The following P2RY2 variants were observed in gnomAD, a reference collection of about 807,000 sequenced individuals.
The protein encoded by P2RY2 is purinergic receptor P2Y2.
For missense variants in P2RY2, 567 were observed against 515.7 expected, an observed-to-expected ratio of 1.10 and a Z score of -0.96; for synonymous variants, 241 against 231.9, an observed-to-expected ratio of 1.04 and a Z score of -0.35.
At chr11:73,231,392 C>CAAAAAAAAA (rs201697252) in intron 2 of P2RY2, among the ~76,000 whole-genome samples, 1 of 110,536 alleles carries the variant, frequency 9.0e-6, no homozygotes, top group Non-Finnish European at 1.7e-5. Flanking sequence ...CTAAAAAATA[C>CAAAAAAAAA]AAAAAAAAAA....
At position 73,237,445 on chromosome 11, in the gene P2RY2, G is replaced by A. The variant is rs376597347; in HGVS notation, c.*2152G>A. Among the ~76,000 whole-genome samples, 4 of 151,958 alleles carry A rather than the reference G, an allele frequency of 2.6e-5. No homozygotes were observed. Among genetic ancestry groups the A allele is most frequent in the Admixed American group, 1.3e-4 (2 of 15,236 alleles). On this transcript the variant is annotated 3_prime_UTR_variant, in exon 3 of 3. Coordinates refer to ENST00000393597, the MANE Select transcript of P2RY2 (RefSeq NM_002564.4). The stretch of plus-strand genomic sequence containing the variant: ...GTATTTTTAATAGAGACAGGGTTTC[G>A]CCATGTTGGCCAGGCTGGTCTCAAA...
Position 73,236,796 on chromosome 11 carries a change from A to C in P2RY2, c.*1503A>C. On this transcript the variant is annotated 3_prime_UTR_variant, in exon 3 of 3. Coordinates refer to ENST00000393597, the MANE Select transcript of P2RY2 (RefSeq NM_002564.4). The stretch of plus-strand genomic sequence containing the variant: ...TGGTGCTCAGGCTGGGTCAGGACTT[A>C]GTATGGGGGAGATGGGTCTCACCTA... 3 of 985,388 alleles carry C rather than the reference A, an allele frequency of 3.0e-6. No individual in the cohort carries two copies. Among genetic ancestry groups the C allele is most frequent in the Non-Finnish European group, 3.6e-6 (3 of 829,906 alleles). 61.0% of individuals were successfully genotyped at this position (985,388 alleles called of 1,614,324 possible).
At position 73,234,499 on chromosome 11, in the gene P2RY2, TA is replaced by T; in HGVS notation, c.341del (p.Tyr114SerfsTer68). On this transcript the variant is annotated frameshift_variant, in exon 3 of 3. Transcript: ENST00000393597. LOFTEE classifies it low-confidence loss of function (END_TRUNC). ...VLCKLVRFLF[Y>X]TNLYCSILFL... ...CTGCAAGCTGGTGCGCTTCCTCTTC[TA>T]CACCAACCTTTACTGCAGCATCCTC... 1 of 1,613,780 alleles carries T rather than the reference TA, an allele frequency of 6.2e-7. No homozygotes were observed. The highest frequency in any genetic ancestry group is 2.2e-5 in the East Asian group (1 of 44,870).
intron 1 of P2RY2, among the ~76,000 whole-genome samples, chr11:73,220,495 C>A (rs1167351113): frequency 6.6e-6 from 1 of 152,212 alleles, no homozygotes; most frequent in Non-Finnish European, 1.5e-5. Context: ...ACACTTTTCC[C>A]TGAGCCTTCA....
Position 73,234,155 on chromosome 11 carries a change from G to C in P2RY2, c.-4-1G>C, listed in dbSNP as rs1208728967. 1 of 1,598,738 alleles carries C rather than the reference G, an allele frequency of 6.3e-7. No homozygotes were observed. The highest frequency in any genetic ancestry group is 1.1e-5 in the South Asian group (1 of 88,492). ...TGGCCCCACCCCTCCCTTCCCTGCA[G>C]GGCGATGGCAGCAGACCTGGGCCCC... On this transcript the variant is annotated splice_acceptor_variant, in intron 2 of 2. Transcript: ENST00000393597. LOFTEE classifies it low-confidence loss of function (5UTR_SPLICE).
chr11:73,221,609 A>T (rs1326323023), intron 1 of P2RY2, among the ~76,000 whole-genome samples: 1 of 152,102 alleles, frequency 6.6e-6, no homozygotes, highest in Non-Finnish European at 1.5e-5. Context: ...GTTGCCCCTC[A>T]TGCCTTCCAC....
chr11:73,224,323 G>A lies in P2RY2; in HGVS notation c.-199-3658G>A, dbSNP rs80176545. Among the ~76,000 whole-genome samples the A allele has an allele frequency of 2.1e-3, 318 of 152,284 alleles. 1 individual carries two copies. Among genetic ancestry groups the A allele is most frequent in the Middle Eastern group, 6.8e-3 (2 of 294 alleles). ...CAGGATGATGAGCAGTTCCTCAAAC[G>A]TGTCATGTCATCTCTTGTTCATCCT... is the stretch of plus-strand genomic sequence containing the variant. On this transcript the variant is annotated intron_variant, in intron 1 of 2. Transcript: ENST00000393597.
chr11:73,229,016 C>CATTA (rs1862370240), intron 2 of P2RY2, among the ~76,000 whole-genome samples: 1 of 152,022 alleles, frequency 6.6e-6, no homozygotes, highest in African/African-American at 2.4e-5. Flanking sequence ...TTCATTCATT[C>CATTA]ATTCATTCTC....
At chr11:73,233,492 C>A (rs1470654679) in intron 2 of P2RY2, among the ~76,000 whole-genome samples, 3 of 152,206 alleles carry the variant, frequency 2.0e-5, no homozygotes, top group Non-Finnish European at 4.4e-5. Context: ...GCCAGCCAGC[C>A]TCAAAGGCCC....
Position 73,234,387 on chromosome 11 carries a change from T to A in P2RY2, c.228T>A (p.Ala76=), listed in dbSNP as rs779211058. 3 of 1,614,256 alleles carry A rather than the reference T, an allele frequency of 1.9e-6. No homozygotes were observed. The change falls in exon 3 of 3, where the codon GCT becomes GCA. Residue 76 remains alanine (A), a synonymous_variant. Transcript: ENST00000393597. ...CCACCACATATATGTTCCACCTGGC[T>A]GTGTCTGATGCACTGTATGCGGCCT... ...NASTTYMFHL[A]VSDALYAASL... is the part of the protein sequence containing the mutation.
chr11:73,234,910 C>A lies in P2RY2; in HGVS notation c.751C>A (p.Leu251Met). 1 of 1,610,996 alleles carries A rather than the reference C, an allele frequency of 6.2e-7. No individual in the cohort carries two copies. Reference sequence around the variant, plus strand: ...GTCCGTGCGCACCATCGCCGTGGTGCTGGCTGTCTTCGCCCTCTGCTTCCT... The same window carrying A: ...GTCCGTGCGCACCATCGCCGTGGTGATGGCTGTCTTCGCCCTCTGCTTCCT... ...RKSVRTIAVV[L>M]AVFALCFLPF... Residue 251 changes from leucine (L) to methionine (M), a missense_variant, in exon 3 of 3, where the codon CTG (leucine) becomes ATG (methionine). Physicochemically the swap from Leu to Met is conservative, Grantham distance 15. Transcript: ENST00000393597.
chr11:73,235,342 G>C lies in P2RY2; in HGVS notation c.*49G>C. On this transcript the variant is annotated 3_prime_UTR_variant, in exon 3 of 3. Coordinates refer to ENST00000393597, the MANE Select transcript of P2RY2 (RefSeq NM_002564.4). The stretch of plus-strand genomic sequence containing the variant: ...AGGTTTATATTGGGAAGCTGTAGAG[G>C]ACCAGGACTTGTGCAGACGCCACAG... 2.6e-6 allele frequency: 4 copies of C among 1,513,160 alleles called. No individual in the cohort carries two copies. The highest frequency in any genetic ancestry group is 3.5e-6 in the Non-Finnish European group (4 of 1,130,824). The allele number at this position is 1,513,160 out of a possible 1,614,324, so 93.7% of individuals were successfully genotyped here.
Position 73,234,614 on chromosome 11 carries a change from G to A in P2RY2, c.455G>A (p.Arg152Gln), listed in dbSNP as rs145036309. ...TGGGGCCGGGCCCGCTACGCTCGCC[G>A]GGTGGCCGGGGCCGTGTGGGTGTTG... ...LRWGRARYARRVAGAVWVLVL... is the reference protein window; with the variant it reads ...LRWGRARYARQVAGAVWVLVL... Residue 152 changes from arginine (R) to glutamine (Q), a missense_variant, in exon 3 of 3, where the codon CGG (arginine) becomes CAG (glutamine). Arg to Gln is a conservative substitution (Grantham distance 43). Coordinates refer to ENST00000393597, the MANE Select transcript of P2RY2 (RefSeq NM_002564.4). 1 of 1,565,890 alleles carries A rather than the reference G, an allele frequency of 6.4e-7. No homozygotes were observed. Among genetic ancestry groups the A allele is most frequent in the South Asian group, 1.2e-5 (1 of 82,394 alleles).
chr11:73,224,462 GCCT>G (rs1862219662), intron 1 of P2RY2, among the ~76,000 whole-genome samples: 1 of 152,136 alleles, frequency 6.6e-6, no homozygotes, highest in South Asian at 2.1e-4. Context: ...CCTGTTAGGG[GCCT>G]CCTTGGCTTC....
At position 73,235,739 on chromosome 11, in the gene P2RY2, T is replaced by C; in HGVS notation, c.*446T>C. 3 of 1,005,584 alleles carry C rather than the reference T, an allele frequency of 3.0e-6. No homozygotes were observed. The highest frequency in any genetic ancestry group is 3.6e-6 in the Non-Finnish European group (3 of 833,890). 62.3% of individuals were successfully genotyped at this position (1,005,584 alleles called of 1,614,324 possible). On this transcript the variant is annotated 3_prime_UTR_variant, in exon 3 of 3. Transcript: ENST00000393597. ...AAGTCACAGGTTGGCCAGAAAACCCTGGTAAGTAATGAGGGCTGAGTTTGC... is the reference window on the plus strand; with the variant it reads ...AAGTCACAGGTTGGCCAGAAAACCCCGGTAAGTAATGAGGGCTGAGTTTGC...
chr11:73,228,743 G>A (rs1591632492), intron 2 of P2RY2, among the ~76,000 whole-genome samples: 1 of 152,200 alleles, frequency 6.6e-6, no homozygotes, highest in Admixed American at 6.5e-5. Flanking sequence ...GGTTACTTAG[G>A]GTCAGCAGCT....
At chr11:73,233,132 G>C (rs1862508049) in intron 2 of P2RY2, among the ~76,000 whole-genome samples, 1 of 152,210 alleles carries the variant, frequency 6.6e-6, no homozygotes, top group Admixed American at 6.5e-5. Context: ...CCACACAAAA[G>C]AAGATCCCTT....
chr11:73,233,165 C>A (rs1221716769), intron 2 of P2RY2, among the ~76,000 whole-genome samples: 1 of 152,220 alleles, frequency 6.6e-6, no homozygotes, highest in African/African-American at 2.4e-5. Flanking sequence ...CTATCTCCAA[C>A]CCAGATTTCC....
At chr11:73,230,307 C>T (rs994788408) in intron 2 of P2RY2, among the ~76,000 whole-genome samples, 12 of 151,932 alleles carry the variant, frequency 7.9e-5, no homozygotes, top group African/African-American at 2.9e-4. Flanking sequence ...AACATCTCTC[C>T]CCTCACAGGG....
Sources: allele counts gnomAD v4.1 joint callset (sites outside exome capture counted in the v4.1 genomes callset), GRCh38; gene constraint gnomAD v4.1.1; transcripts MANE v1.5; gene names NCBI Gene and HGNC (gene_info 2026-07-23, HGNC 2026-07-21).